The following PLXNC1 variants were observed in gnomAD, a reference collection of about 807,000 sequenced individuals.
The protein encoded by PLXNC1 is plexin C1.
A neutral mutation model predicts 178.2 loss-of-function variants in PLXNC1; 75 were observed. The observed-to-expected ratio is 0.42, with a 90% confidence interval of 0.35 to 0.51. The LOEUF is 0.51. Among genes scored for constraint, PLXNC1 ranks in the 20% least tolerant of loss-of-function variants. The pLI is 0.02. For missense variants in PLXNC1, 1,503 were observed against 1,984.4 expected (o/e 0.76, Z 4.61); for synonymous variants, 790 against 779.9 (o/e 1.01, Z -0.22).
At chr12:94,293,822 T>C (rs1049455058) in intron 23 of PLXNC1, among the ~76,000 whole-genome samples, 2 of 152,110 alleles carry the variant, frequency 1.3e-5, no homozygotes, top group Non-Finnish European at 2.9e-5. Flanking sequence ...GATCTCCCTA[T>C]GTTGCCCAGG....
intron 22 of PLXNC1, among the ~76,000 whole-genome samples, chr12:94,280,780 G>A (rs960561415): frequency 6.6e-5 from 10 of 152,226 alleles, no homozygotes; most frequent in South Asian, 2.1e-4. Flanking sequence ...TACCCCGCCC[G>A]ACAGTCTTGG....
intron 23 of PLXNC1, among the ~76,000 whole-genome samples, chr12:94,292,040 A>G (rs2136194143): frequency 6.6e-6 from 1 of 152,354 alleles, no homozygotes; most frequent in Non-Finnish European, 1.5e-5. Context: ...TCCATGCTGT[A>G]GCATGTATCG....
chr12:94,259,242 CTACTT>C (rs1218441961), intron 17 of PLXNC1, 90 bp from the exon 18 acceptor site: 1 of 885,720 alleles, frequency 1.1e-6, no homozygotes, highest in African/African-American at 1.7e-5. Flanking sequence ...AATAGTGTCT[CTACTT>C]TATTAAAACG....
intron 20 of PLXNC1, among the ~76,000 whole-genome samples, chr12:94,263,981 C>T (rs539660492): frequency 2.0e-5 from 3 of 152,194 alleles, no homozygotes; most frequent in Admixed American, 6.5e-5. Flanking sequence ...CAGTGGAATC[C>T]TCCTTTCCCA....
chr12:94,219,310 A>C (rs1263581024), intron 5 of PLXNC1, among the ~76,000 whole-genome samples: 1 of 152,206 alleles, frequency 6.6e-6, no homozygotes, highest in African/African-American at 2.4e-5. Context: ...GGACAAAATG[A>C]TATTTCAGTT....
chr12:94,155,212 G>T (rs944313281), intron 1 of PLXNC1, among the ~76,000 whole-genome samples: 1 of 152,180 alleles, frequency 6.6e-6, no homozygotes, highest in Non-Finnish European at 1.5e-5. Flanking sequence ...TGTAATTTTT[G>T]ATTGCCTTTC....
intron 1 of PLXNC1, chr12:94,168,002 TGGTG>T (rs1466028949): frequency 2.6e-5 from 4 of 152,208 alleles, no homozygotes; most frequent in African/African-American, 9.7e-5. Flanking sequence ...TAATGAAACT[TGGTG>T]GGTTTAAAAA....
chr12:94,204,856 T>C (rs1048889425), intron 4 of PLXNC1, among the ~76,000 whole-genome samples: 2 of 152,220 alleles, frequency 1.3e-5, no homozygotes, highest in South Asian at 2.1e-4. Flanking sequence ...AGAAGCTGGA[T>C]TGTTTCCTTG....
intron 24 of PLXNC1, among the ~76,000 whole-genome samples, chr12:94,296,098 CCTGTA>C (rs1282529420): frequency 1.3e-5 from 2 of 152,170 alleles, no homozygotes; most frequent in African/African-American, 4.8e-5. Context: ...TCTTTTCTCA[CCTGTA>C]CTTTCTTTTC....
At chr12:94,187,500 C>G (rs2135969334) in intron 4 of PLXNC1, among the ~76,000 whole-genome samples, 1 of 152,258 alleles carries the variant, frequency 6.6e-6, no homozygotes, top group Middle Eastern at 3.4e-3. Context: ...AATAATTGCC[C>G]CTGCCATTTG....
chr12:94,200,149 G>A (rs139050382), intron 4 of PLXNC1, among the ~76,000 whole-genome samples: 3 of 152,280 alleles, frequency 2.0e-5, no homozygotes, highest in Non-Finnish European at 2.9e-5. Flanking sequence ...CTCAGCCTCC[G>A]TGCTACTTAC....
intron 21 of PLXNC1, among the ~76,000 whole-genome samples, chr12:94,272,629 G>T (rs1965644115): frequency 6.6e-6 from 1 of 152,198 alleles, no homozygotes; most frequent in Non-Finnish European, 1.5e-5. Flanking sequence ...CTTCCCACTG[G>T]GCATGGTGGC....
chr12:94,288,558 A>T lies in PLXNC1; in HGVS notation c.3880-5928A>T, dbSNP rs558182183. Among the ~76,000 whole-genome samples the T allele has an allele frequency of 2.1e-3, 319 of 152,322 alleles. 2 individuals are homozygous for T. The highest frequency in any genetic ancestry group is 7.5e-3 in the African/African-American group (313 of 41,570). ...TTTCTCTGGTTTCCAGCATCCTGTA[A>T]GCCCTCCCCTGGATGTCCAGAACCT... On this transcript the variant is annotated intron_variant, in intron 23 of 30. Transcript: ENST00000258526.
At chr12:94,172,740 A>G (rs1961893668) in intron 2 of PLXNC1, among the ~76,000 whole-genome samples, 1 of 152,220 alleles carries the variant, frequency 6.6e-6, no homozygotes, top group Admixed American at 6.5e-5. Flanking sequence ...TTATTTGGGT[A>G]CATTATTTTG....
chr12:94,168,233 CTG>C (rs369337823), intron 1 of PLXNC1: 2 of 152,214 alleles, frequency 1.3e-5, no homozygotes, highest in African/African-American at 4.8e-5. Flanking sequence ...TGCTATCACA[CTG>C]TGTTCAGTAG....
intron 2 of PLXNC1, among the ~76,000 whole-genome samples, chr12:94,170,341 A>T (rs572435344): frequency 6.6e-6 from 1 of 152,224 alleles, no homozygotes; most frequent in South Asian, 2.1e-4. Flanking sequence ...CACCATCCCC[A>T]TCCCCAAGCC....
chr12:94,244,105 A>T, intron 12 of PLXNC1, 80 bp downstream of exon 12: 1 of 761,498 alleles, frequency 1.3e-6, no homozygotes. Context: ...TGTTGGGGGT[A>T]TTTTTTGTTT....
At chr12:94,159,486 G>C (rs1961297381) in intron 1 of PLXNC1, among the ~76,000 whole-genome samples, 1 of 152,178 alleles carries the variant, frequency 6.6e-6, no homozygotes, top group Non-Finnish European at 1.5e-5. Flanking sequence ...AGTGCTGGCA[G>C]ACTGGAGGGC....
chr12:94,248,519 A>C, intron 14 of PLXNC1, 107 bp downstream of exon 14: 1 of 884,122 alleles, frequency 1.1e-6, no homozygotes, highest in East Asian at 2.5e-5. Context: ...TCAGATCCTC[A>C]CTTTAAATAG....
Sources: gnomAD v4.1 joint callset for allele counts (sites outside exome capture counted in the v4.1 genomes callset) on GRCh38, gnomAD v4.1.1 for gene constraint, MANE v1.5 for transcripts, NCBI Gene and HGNC (gene_info 2026-07-23, HGNC 2026-07-21) for gene names.